GLB1: variants seen among roughly 807,000 people sequenced by gnomAD.
GLB1 encodes the protein galactosidase beta 1, also known as beta-galactosidase.
In GLB1, 56 loss-of-function variants were observed where a neutral mutation model predicts 74.0. That is an observed-to-expected ratio of 0.76 (90% CI 0.61 to 0.94). The LOEUF is 0.94. Ranked by LOEUF, GLB1 falls within the 40% of genes least tolerant of loss-of-function variation. GLB1 has a pLI of 0.00. For missense variants in GLB1, 787 were observed against 845.5 expected, an observed-to-expected ratio of 0.93 and a Z score of 0.86; for synonymous variants, 323 against 323.6, an observed-to-expected ratio of 1.00 and a Z score of 0.02.
chr3:33,097,096 C>G lies in GLB1; in HGVS notation c.-11G>C, dbSNP rs768807428. ...CAGGAACCCCGGCATGACCACCAGCCTCCCGGCTCTGCAGTCGGCGCCCAG... is the reference window on the plus strand; with the variant it reads ...CAGGAACCCCGGCATGACCACCAGCGTCCCGGCTCTGCAGTCGGCGCCCAG... On this transcript the variant is annotated 5_prime_UTR_variant, in exon 1 of 16. Coordinates refer to ENST00000307363, the MANE Select transcript of GLB1 (RefSeq NM_000404.4). 5 of 1,612,002 alleles carry G rather than the reference C, an allele frequency of 3.1e-6. No homozygotes were observed. Among genetic ancestry groups the G allele is most frequent in the Middle Eastern group, 1.6e-4 (1 of 6,076 alleles).
the GLB1 span, among the ~76,000 whole-genome samples, chr3:32,987,699 T>C: frequency 2.0e-5 from 3 of 152,228 alleles, no homozygotes; most frequent in Non-Finnish European, 4.4e-5. Context: ...ATCTCAATAC[T>C]CTTTTAAAAA....
chr3:32,985,703 C>G, the GLB1 span, among the ~76,000 whole-genome samples: 24 of 151,170 alleles, frequency 1.6e-4, no homozygotes, highest in African/African-American at 5.3e-4. Flanking sequence ...TTTGTGATAA[C>G]TCTGTCTATA....
At chr3:33,077,018 G>A (rs1700133220) in intron 1 of GLB1, 1 of 1,245,678 alleles carries the variant, frequency 8.0e-7, no homozygotes, top group Admixed American at 2.7e-5. Context: ...GAGCCCAGGA[G>A]TTCAAGACCA....
chr3:32,982,143 G>A, the GLB1 span, among the ~76,000 whole-genome samples: 7 of 151,750 alleles, frequency 4.6e-5, no homozygotes, highest in Admixed American at 2.0e-4. Flanking sequence ...GAGAAACCCC[G>A]TCTCTACTAA....
Position 33,083,522 on chromosome 3 carries a change from T to C in GLB1, c.76-10809A>G, listed in dbSNP as rs566753414. Among the ~76,000 whole-genome samples, 5 of 152,268 alleles carry C rather than the reference T, an allele frequency of 3.3e-5. No individual in the cohort carries two copies. In the South Asian group the frequency reaches 6.2e-4, roughly 19 times the overall value. ...CAAATAATGCAAGATTTGACCTGTG[T>C]GCAAATTCTACCCTTCTAAATGAAT... On this transcript the variant is annotated intron_variant, in intron 1 of 15. Transcript: ENST00000307363.
At chr3:33,052,080 A>G in intron 7 of GLB1, 76 bp from the exon 8 acceptor site, 2 of 1,600,946 alleles carry the variant, frequency 1.2e-6, no homozygotes, top group South Asian at 2.2e-5. Context: ...GCAATGCCCC[A>G]TCTATGACAG....
At chr3:33,012,459 C>T (rs1697068782) in intron 15 of GLB1, among the ~76,000 whole-genome samples, 1 of 152,186 alleles carries the variant, frequency 6.6e-6, no homozygotes, top group African/African-American at 2.4e-5. Context: ...TTTGCCCCTT[C>T]AGCCATGTAA....
At chr3:32,971,797 A>G in the GLB1 span, among the ~76,000 whole-genome samples, 1 of 152,094 alleles carries the variant, frequency 6.6e-6, no homozygotes, top group Non-Finnish European at 1.5e-5. Context: ...CTCTACTCTA[A>G]GCCACTCTTG....
At position 33,093,267 on chromosome 3, in the gene GLB1, G is replaced by A; in HGVS notation, c.75+3744C>T. ...GCCACCACCACCACGTTGGGCCCGT[G>A]TGGCGGAAATCTTCACGTTCTCATT... On this transcript the variant is annotated intron_variant, in intron 1 of 15. Transcript: ENST00000307363. This position sits in a 1 kb window ranked among gnomAD's most constrained non-coding sequence, Gnocchi z 6.0. The A allele has an allele frequency of 6.2e-7, 1 of 1,614,134 alleles. No homozygotes were observed. The highest frequency in any genetic ancestry group is 8.5e-7 in the Non-Finnish European group (1 of 1,180,016).
Position 33,093,243 on chromosome 3 carries a change from C to A in GLB1, c.75+3768G>T. 6.2e-7 allele frequency: 1 copy of A among 1,613,910 alleles called. No homozygotes were observed. The highest frequency in any genetic ancestry group is 1.6e-4 in the Middle Eastern group (1 of 6,062). On this transcript the variant is annotated intron_variant, in intron 1 of 15. Coordinates refer to ENST00000307363, the MANE Select transcript of GLB1 (RefSeq NM_000404.4). This position sits in a 1 kb window ranked among gnomAD's most constrained non-coding sequence, Gnocchi z 6.0. ...CTCATCCTCACTCCCACTGCCACTG[C>A]CACCACCACCACGTTGGGCCCGTGT...
chr3:33,096,573 G>C, intron 1 of GLB1: 1 of 1,029,068 alleles, frequency 9.7e-7, no homozygotes, highest in Non-Finnish European at 1.2e-6. Flanking sequence ...GGCCTCTCCT[G>C]ACCCCATTTT....
At chr3:33,023,503 A>C (rs368080927) in intron 11 of GLB1, among the ~76,000 whole-genome samples, 2 of 152,182 alleles carry the variant, frequency 1.3e-5, no homozygotes, top group South Asian at 4.1e-4. Context: ...TTGAAGATAA[A>C]AACTTACGAT....
the GLB1 span, among the ~76,000 whole-genome samples, chr3:32,989,644 G>C: frequency 1.3e-5 from 2 of 152,214 alleles, no homozygotes; most frequent in African/African-American, 4.8e-5. Context: ...GATCTGTCAT[G>C]TCAGACAAGG....
At chr3:33,067,477 C>T (rs919693820) in intron 4 of GLB1, among the ~76,000 whole-genome samples, 3 of 120,686 alleles carry the variant, frequency 2.5e-5, no homozygotes, top group South Asian at 5.6e-4. Context: ...GATAGGGTCT[C>T]GCTATGTTAC....
At chr3:32,965,916 A>G in the GLB1 span, among the ~76,000 whole-genome samples, 30 of 152,186 alleles carry the variant, frequency 2.0e-4, no homozygotes, top group Non-Finnish European at 4.0e-4. Flanking sequence ...TTGTGTTGAG[A>G]CTGCAGGTGC....
At chr3:33,080,320 T>C (rs1283427693) in intron 1 of GLB1, among the ~76,000 whole-genome samples, 4 of 152,034 alleles carry the variant, frequency 2.6e-5, no homozygotes, top group Non-Finnish European at 5.9e-5. Flanking sequence ...CCTCAGGTAA[T>C]CCGCCGCCTC....
chr3:33,039,918 T>C (rs1698433482), intron 10 of GLB1, among the ~76,000 whole-genome samples: 1 of 152,172 alleles, frequency 6.6e-6, no homozygotes, highest in South Asian at 2.1e-4. Flanking sequence ...CAGTGACAGG[T>C]GATTTTTCAA....
chr3:32,994,220 T>C (rs528827429), downstream of GLB1, among the ~76,000 whole-genome samples: 46 of 152,144 alleles, frequency 3.0e-4, no homozygotes, highest in Non-Finnish European at 5.9e-4. Context: ...GGTACATCCA[T>C]ACAATGGAAT....
chr3:32,998,306 G>A (rs967399782), intron 15 of GLB1, among the ~76,000 whole-genome samples: 11 of 152,122 alleles, frequency 7.2e-5, no homozygotes, highest in Non-Finnish European at 1.0e-4. Flanking sequence ...TCAGGAGTTC[G>A]AGACCAGCCT....
Sources: allele counts gnomAD v4.1 joint callset (sites outside exome capture counted in the v4.1 genomes callset), GRCh38; gene constraint gnomAD v4.1.1; non-coding constraint Gnocchi (gnomAD v3.1); transcripts MANE v1.5; gene names NCBI Gene and HGNC (gene_info 2026-07-23, HGNC 2026-07-21).